PRKN: variants seen among roughly 807,000 people sequenced by gnomAD.
The protein encoded by PRKN is E3 ubiquitin-protein ligase parkin.
Under a neutral mutation model 59.5 loss-of-function variants are expected in PRKN, and 56 were observed. The ratio of observed to expected loss-of-function variants is 0.94; its 90% CI spans 0.76 to 1.18. PRKN has a LOEUF of 1.18. Ranked by LOEUF, PRKN falls within the 50% of genes most tolerant of loss-of-function variation. The pLI, the probability that PRKN is intolerant of heterozygous loss-of-function variation, is 0.00. For synonymous variants in PRKN, 250 were observed against 222.1 expected (o/e 1.13, Z -1.12); for missense variants, 657 against 596.4 (o/e 1.10, Z -1.06).
chr6:162,009,720 G>C (rs1018503690), intron 5 of PRKN, among the ~76,000 whole-genome samples: 1 of 151,818 alleles, frequency 6.6e-6, no homozygotes, highest in African/African-American at 2.4e-5. Context: ...TAGATCACTT[G>C]AAGTCAGGAG....
intron 2 of PRKN, among the ~76,000 whole-genome samples, chr6:162,336,307 A>G (rs940183137): frequency 6.6e-6 from 1 of 151,988 alleles, no homozygotes; most frequent in African/African-American, 2.4e-5. Context: ...AAGATGTCAC[A>G]CTCTCAATGC....
At chr6:162,606,345 T>G (rs184250744) in intron 1 of PRKN, among the ~76,000 whole-genome samples, 1 of 152,318 alleles carries the variant, frequency 6.6e-6, no homozygotes, top group African/African-American at 2.4e-5. Flanking sequence ...TAGCCCACAG[T>G]TGGTCAAAAT....
chr6:162,631,841 G>C (rs1783120685), intron 1 of PRKN, among the ~76,000 whole-genome samples: 1 of 151,842 alleles, frequency 6.6e-6, no homozygotes. Context: ...TTTAATCTTT[G>C]GTCCATTTTT....
intron 1 of PRKN, among the ~76,000 whole-genome samples, chr6:162,581,688 G>T (rs559703416): frequency 1.3e-4 from 20 of 152,356 alleles, no homozygotes; most frequent in South Asian, 4.1e-4. Flanking sequence ...GAACCCAGGA[G>T]GCAGAGGGTG....
chr6:162,029,667 A>T (rs908638319), intron 5 of PRKN, among the ~76,000 whole-genome samples: 2 of 152,050 alleles, frequency 1.3e-5, no homozygotes, highest in African/African-American at 2.4e-5. Flanking sequence ...ACCCTGTCCA[A>T]TTTGTTCCCA....
At chr6:162,344,122 T>C (rs1347827810) in intron 2 of PRKN, among the ~76,000 whole-genome samples, 3 of 152,198 alleles carry the variant, frequency 2.0e-5, no homozygotes, top group East Asian at 1.9e-4. Context: ...CCCATGTGCA[T>C]ACAATCCACA....
intron 1 of PRKN, among the ~76,000 whole-genome samples, chr6:162,649,976 CA>C (rs1778354840): frequency 6.6e-6 from 1 of 152,130 alleles, no homozygotes; most frequent in South Asian, 2.1e-4. Flanking sequence ...GGGAATTAGA[CA>C]GCAAAGTGCA....
chr6:162,522,011 C>T (rs1049517477), intron 1 of PRKN, among the ~76,000 whole-genome samples: 2 of 152,212 alleles, frequency 1.3e-5, no homozygotes, highest in Non-Finnish European at 2.9e-5. Context: ...ATGTAACTCA[C>T]TTTTTATTCG....
In PRKN at chr6:161,527,006, A is replaced by G. The variant is rs937314491; in HGVS notation, c.1083+21848T>C. 1.3e-5 allele frequency among the ~76,000 whole-genome samples: 2 copies of G among 152,194 alleles called. No homozygotes were observed. Among genetic ancestry groups the G allele is most frequent in the Non-Finnish European group, 2.9e-5 (2 of 68,036 alleles). On this transcript the variant is annotated intron_variant, in intron 9 of 11. Coordinates refer to ENST00000366898, the MANE Select transcript of PRKN (RefSeq NM_004562.3). The surrounding 1 kb of genome is among the most constrained non-coding windows in gnomAD (Gnocchi z 4.6). ...ACAAAGGCTATCTTGTTATACCGAT[A>G]GAAAGCCTCAGGAGTAGTAAAAGTT...
intron 2 of PRKN, among the ~76,000 whole-genome samples, chr6:162,416,204 T>C (rs965032970): frequency 1.3e-5 from 2 of 152,184 alleles, no homozygotes; most frequent in Admixed American, 1.3e-4. Flanking sequence ...TGTTTGCACA[T>C]TCTGTCCTAT....
chr6:162,043,178 A>G (rs964182364), intron 5 of PRKN, among the ~76,000 whole-genome samples: 1 of 152,196 alleles, frequency 6.6e-6, no homozygotes, highest in Non-Finnish European at 1.5e-5. Context: ...AAGACCAGCC[A>G]ACATGATTCA....
intron 1 of PRKN, among the ~76,000 whole-genome samples, chr6:162,632,247 G>A (rs1022188024): frequency 6.6e-6 from 1 of 152,128 alleles, no homozygotes; most frequent in South Asian, 2.1e-4. Context: ...CAAAGACATG[G>A]AATAAACTCA....
chr6:162,397,553 AT>A (rs1432141486), intron 2 of PRKN, among the ~76,000 whole-genome samples: 1 of 152,140 alleles, frequency 6.6e-6, no homozygotes, highest in Non-Finnish European at 1.5e-5. Context: ...TGCTTCAGAA[AT>A]TTAAAATTTG....
chr6:161,754,338 G>A (rs889698332), intron 7 of PRKN, among the ~76,000 whole-genome samples: 1 of 152,020 alleles, frequency 6.6e-6, no homozygotes. Context: ...TGGAGAGGGA[G>A]GGGCAAGCAG....
chr6:162,054,189 A>G lies in PRKN; in HGVS notation c.535-15T>C. The stretch of plus-strand genomic sequence containing the variant: ...CAAGATGGACCCTTTGGGAAAAAAC[A>G]ACAATATATGCTTATATGAGTTATA... On this transcript the variant is annotated splice_polypyrimidine_tract_variant and intron_variant, in intron 4 of 11. Coordinates refer to ENST00000366898, the MANE Select transcript of PRKN (RefSeq NM_004562.3). The G allele has an allele frequency of 2.0e-6, 3 of 1,489,976 alleles. No homozygotes were observed. Among genetic ancestry groups the G allele is most frequent in the South Asian group, 1.1e-5 (1 of 88,488 alleles). 92.3% of individuals were successfully genotyped at this position (1,489,976 alleles called of 1,614,324 possible).
intron 5 of PRKN, among the ~76,000 whole-genome samples, chr6:162,014,380 G>A (rs965080125): frequency 6.6e-6 from 1 of 152,152 alleles, no homozygotes; most frequent in East Asian, 1.9e-4. Context: ...TCTAGCTGAG[G>A]CCCTGGGCAA....
intron 5 of PRKN, among the ~76,000 whole-genome samples, chr6:162,024,355 C>T (rs892091104): frequency 6.6e-6 from 1 of 152,024 alleles, no homozygotes; most frequent in African/African-American, 2.4e-5. Context: ...TGCCAACATG[C>T]CCAGCTAATT....
intron 4 of PRKN, among the ~76,000 whole-genome samples, chr6:162,179,957 T>G (rs1283090716): frequency 5.8e-5 from 2 of 34,642 alleles, no homozygotes; most frequent in Non-Finnish European, 2.1e-4. Flanking sequence ...GTGCTTTTTG[T>G]TATCTTATTA....
intron 8 of PRKN, among the ~76,000 whole-genome samples, chr6:161,565,970 A>G (rs73593463): frequency 0.016 from 2,484 of 152,268 alleles, 74 homozygotes; most frequent in African/African-American, 0.058. Flanking sequence ...ATCCAAGGAC[A>G]CTGCTCCTGA....
Sources: allele counts gnomAD v4.1 joint callset (sites outside exome capture counted in the v4.1 genomes callset), GRCh38; gene constraint gnomAD v4.1.1; non-coding constraint Gnocchi (gnomAD v3.1); transcripts MANE v1.5; gene names NCBI Gene and HGNC (gene_info 2026-07-23, HGNC 2026-07-21).